The following PSKH1 variants were observed in gnomAD, a reference collection of about 807,000 sequenced individuals.
The protein encoded by PSKH1 is serine/threonine-protein kinase H1.
PSKH1 carries 12 observed loss-of-function variants against 26.7 expected under a neutral mutation model. That is an observed-to-expected ratio of 0.45 (90% CI 0.29 to 0.73). The LOEUF (loss-of-function observed/expected upper bound fraction) is 0.73, where lower values mean the gene tolerates loss of function less well. Among genes scored for constraint, PSKH1 ranks in the 30% least tolerant of loss-of-function variants. The probability of loss-of-function intolerance (pLI) is 0.11; values close to 1 mark genes in which losing one functional copy is unlikely to be tolerated. For missense variants in PSKH1, 431 were observed against 595.2 expected (o/e 0.72, Z 2.87); for synonymous variants, 213 against 234.3 (o/e 0.91, Z 0.83).
intron 1 of PSKH1, among the ~76,000 whole-genome samples, chr16:67,907,959 C>A (rs752865852): frequency 1.3e-5 from 2 of 152,082 alleles, no homozygotes; most frequent in African/African-American, 4.8e-5. Flanking sequence ...ACACTTCACA[C>A]CCCCATTTCA....
chr16:67,899,319 G>A (rs1598185867), intron 1 of PSKH1, among the ~76,000 whole-genome samples: 2 of 150,864 alleles, frequency 1.3e-5, no homozygotes, highest in East Asian at 3.9e-4. Context: ...AGAAATCCAA[G>A]AGCCAGACCA....
At chr16:67,911,319 T>C (rs2058172658) in intron 2 of PSKH1, among the ~76,000 whole-genome samples, 1 of 152,220 alleles carries the variant, frequency 6.6e-6, no homozygotes, top group African/African-American at 2.4e-5. Flanking sequence ...CTTCCTTCTG[T>C]GGCCCAGCTT....
chr16:67,917,030 C>T (rs1269146634), intron 2 of PSKH1, among the ~76,000 whole-genome samples: 2 of 152,230 alleles, frequency 1.3e-5, no homozygotes, highest in African/African-American at 4.8e-5. Context: ...CTCAACTGTT[C>T]ACGCTGCTCC....
At chr16:67,926,034 AGGTGAAGGGTACCATGGGT>A (rs780376004) in intron 2 of PSKH1, among the ~76,000 whole-genome samples, 43 of 152,154 alleles carry the variant, frequency 2.8e-4, no homozygotes, top group African/African-American at 9.4e-4. Context: ...GGGTTCCTCA[AGGTGAAGGGTACCATGGGT>A]GGTGAAGGGT....
chr16:67,902,790 C>T (rs966327073), intron 1 of PSKH1, among the ~76,000 whole-genome samples: 1 of 151,370 alleles, frequency 6.6e-6, no homozygotes, highest in African/African-American at 2.5e-5. Context: ...TGCAGTTTGT[C>T]TTGCCTCCGA....
chr16:67,907,305 G>C (rs1247786347), intron 1 of PSKH1, among the ~76,000 whole-genome samples: 1 of 150,618 alleles, frequency 6.6e-6, no homozygotes, highest in Non-Finnish European at 1.5e-5. Context: ...CTTTTGTCCA[G>C]GCTGGAGTGG....
At chr16:67,926,445 C>G (rs2058216603) in intron 2 of PSKH1, among the ~76,000 whole-genome samples, 1 of 152,222 alleles carries the variant, frequency 6.6e-6, no homozygotes, top group Admixed American at 6.5e-5. Flanking sequence ...GGAATAATTG[C>G]TGGAAGCACT....
Position 67,901,791 on chromosome 16 carries a change from G to A in PSKH1, c.-70-6889G>A, listed in dbSNP as rs191887211. On this transcript the variant is annotated intron_variant, in intron 1 of 2. Coordinates refer to ENST00000291041, the MANE Select transcript of PSKH1 (RefSeq NM_006742.3). ...TGGGACTACAGGTGCATGCCACCAC[G>A]CCTGACTAATTTTTTGTAGAGATGG... is the stretch of plus-strand genomic sequence containing the variant. Among the ~76,000 whole-genome samples, 14 of 151,986 alleles carry A rather than the reference G, an allele frequency of 9.2e-5. 1 individual carries two copies. The highest frequency in any genetic ancestry group is 7.9e-4 in the Admixed American group (12 of 15,242).
intron 1 of PSKH1, among the ~76,000 whole-genome samples, chr16:67,896,522 CA>C (rs2058126895): frequency 1.4e-5 from 2 of 142,606 alleles, no homozygotes; most frequent in Non-Finnish European, 3.0e-5. Context: ...GGAAAACTGA[CA>C]ATAGTGTGCT....
intron 2 of PSKH1, among the ~76,000 whole-genome samples, chr16:67,925,202 T>A (rs545937874): frequency 6.1e-4 from 92 of 151,552 alleles, no homozygotes; most frequent in Middle Eastern, 3.4e-3. Flanking sequence ...ATGAATATTT[T>A]TTTTTTTTTT....
intron 2 of PSKH1, among the ~76,000 whole-genome samples, chr16:67,915,126 C>G (rs1043867827): frequency 1.4e-4 from 21 of 151,916 alleles, no homozygotes; most frequent in Non-Finnish European, 2.9e-4. Context: ...TTCTGTTGTT[C>G]TTCTGCTGGA....
intron 1 of PSKH1, among the ~76,000 whole-genome samples, chr16:67,898,459 C>T (rs1222680410): frequency 2.0e-5 from 3 of 151,890 alleles, no homozygotes; most frequent in Non-Finnish European, 4.4e-5. Context: ...GTTATGTTGC[C>T]CAGCCTGGTT....
Position 67,909,187 on chromosome 16 carries a change from G to C in PSKH1, c.438G>C (p.Val146=). Residue 146 remains valine (V), a synonymous_variant, in exon 2 of 3, where the codon GTG becomes GTC. Coordinates refer to ENST00000291041, the MANE Select transcript of PSKH1 (RefSeq NM_006742.3). This position sits in a 1 kb window ranked among gnomAD's most constrained non-coding sequence, Gnocchi z 7.8. ...AGGTGTGTGAGTCGGAGCTGCGTGTGCTGCGTCGGGTGCGTCATGCCAACA... is the reference window on the plus strand; with the variant it reads ...AGGTGTGTGAGTCGGAGCTGCGTGTCCTGCGTCGGGTGCGTCATGCCAACA... ...GREVCESELR[V]LRRVRHANII... 1.2e-6 allele frequency: 2 copies of C among 1,614,206 alleles called. No individual in the cohort carries two copies. The highest frequency in any genetic ancestry group is 1.7e-6 in the Non-Finnish European group (2 of 1,180,054).
At chr16:67,912,249 G>A (rs575184701) in intron 2 of PSKH1, among the ~76,000 whole-genome samples, 1 of 152,330 alleles carries the variant, frequency 6.6e-6, no homozygotes, top group African/African-American at 2.4e-5. Flanking sequence ...TCAGTTAAAA[G>A]TCAGGAGTGC....
At chr16:67,894,903 G>T (rs1396314790) in intron 1 of PSKH1, among the ~76,000 whole-genome samples, 1 of 151,086 alleles carries the variant, frequency 6.6e-6, no homozygotes, top group African/African-American at 2.4e-5. Flanking sequence ...AAAATCAAGA[G>T]CCTTACTGTC....
At chr16:67,913,287 C>T (rs1389287661) in intron 2 of PSKH1, among the ~76,000 whole-genome samples, 1 of 152,046 alleles carries the variant, frequency 6.6e-6, no homozygotes. Context: ...GCTGGGACTA[C>T]AGGCATGCGC....
chr16:67,903,512 G>A (rs1033646857), intron 1 of PSKH1, among the ~76,000 whole-genome samples: 15 of 151,942 alleles, frequency 9.9e-5, no homozygotes. Flanking sequence ...CTTTTGCCCA[G>A]GCTGGAGTGC....
At chr16:67,902,315 T>C (rs953776454) in intron 1 of PSKH1, among the ~76,000 whole-genome samples, 1 of 152,108 alleles carries the variant, frequency 6.6e-6, no homozygotes, top group Non-Finnish European at 1.5e-5. Flanking sequence ...TGTTTTTTGT[T>C]TTTTTGAGAC....
intron 2 of PSKH1, among the ~76,000 whole-genome samples, chr16:67,923,389 CT>C (rs2058208157): frequency 1.3e-5 from 2 of 152,316 alleles, no homozygotes; most frequent in Admixed American, 6.5e-5. Context: ...CCTACAGCCC[CT>C]GCTTGTCTTC....
Sources: allele counts gnomAD v4.1 joint callset (sites outside exome capture counted in the v4.1 genomes callset), GRCh38; gene constraint gnomAD v4.1.1; non-coding constraint Gnocchi (gnomAD v3.1); transcripts MANE v1.5; gene names NCBI Gene and HGNC (gene_info 2026-07-23, HGNC 2026-07-21).